LRGUK: variants seen among roughly 807,000 people sequenced by gnomAD.
LRGUK encodes leucine rich repeats and guanylate kinase domain containing.
A neutral mutation model predicts 76.0 loss-of-function variants in LRGUK; 65 were observed. The ratio of observed to expected loss-of-function variants is 0.85; its 90% CI spans 0.70 to 1.05. The LOEUF is 1.05. LRGUK is among the 50% of genes least tolerant of loss of function. The probability of loss-of-function intolerance (pLI) is 0.00; values close to 1 mark genes in which losing one functional copy is unlikely to be tolerated. For missense variants in LRGUK, 758 were observed against 732.8 expected (o/e 1.03, Z -0.40); for synonymous variants, 268 against 265.6 (o/e 1.01, Z -0.09).
At chr7:134,204,341 A>G (rs1420576503) in intron 15 of LRGUK, among the ~76,000 whole-genome samples, 1 of 152,206 alleles carries the variant, frequency 6.6e-6, no homozygotes, top group Non-Finnish European at 1.5e-5. Flanking sequence ...AATTTTATTT[A>G]TTTGGACTAA....
chr7:134,183,947 T>C, intron 11 of LRGUK, 94 bp downstream of exon 11: 17 of 1,471,358 alleles, frequency 1.2e-5, no homozygotes, highest in Non-Finnish European at 1.6e-5. Context: ...ATTGCTAATG[T>C]TGGCTATTAA....
At chr7:134,150,970 TA>T (rs907919924) in intron 5 of LRGUK, among the ~76,000 whole-genome samples, 4 of 152,142 alleles carry the variant, frequency 2.6e-5, no homozygotes, top group African/African-American at 9.6e-5. Flanking sequence ...ACCTGTGTTT[TA>T]AAAAATTCAA....
At chr7:134,162,714 G>A (rs1050513085) in intron 6 of LRGUK, among the ~76,000 whole-genome samples, 1 of 150,666 alleles carries the variant, frequency 6.6e-6, no homozygotes, top group South Asian at 2.1e-4. Context: ...GTAGTCCCAG[G>A]TACTTGGGAG....
chr7:134,150,829 T>G (rs1798192150), intron 5 of LRGUK, among the ~76,000 whole-genome samples: 1 of 151,890 alleles, frequency 6.6e-6, no homozygotes, highest in African/African-American at 2.4e-5. Context: ...AATTAGGGTT[T>G]TTTTTTTCTT....
At chr7:134,225,060 A>G (rs564418310) in intron 16 of LRGUK, among the ~76,000 whole-genome samples, 48 of 137,910 alleles carry the variant, frequency 3.5e-4, no homozygotes, top group Admixed American at 2.1e-3. Context: ...CTCAAAAAGA[A>G]AAAAAAAAAA....
At chr7:134,131,163 G>T (rs764974335) in intron 1 of LRGUK, among the ~76,000 whole-genome samples, 3 of 152,140 alleles carry the variant, frequency 2.0e-5, no homozygotes, top group Non-Finnish European at 4.4e-5. Context: ...CTTCTTTTCA[G>T]TCCCTTTATA....
At chr7:134,184,971 G>C (rs919541888) in intron 11 of LRGUK, among the ~76,000 whole-genome samples, 1 of 152,216 alleles carries the variant, frequency 6.6e-6, no homozygotes, top group African/African-American at 2.4e-5. Flanking sequence ...TCCTGTCTGA[G>C]CCTGGAACAT....
At chr7:134,224,180 C>T (rs1801675798) in intron 16 of LRGUK, among the ~76,000 whole-genome samples, 1 of 152,108 alleles carries the variant, frequency 6.6e-6, no homozygotes. Flanking sequence ...CCCCTTGGGA[C>T]ATGGAAATCC....
At chr7:134,231,484 C>G (rs1469963222) in intron 16 of LRGUK, among the ~76,000 whole-genome samples, 9 of 149,978 alleles carry the variant, frequency 6.0e-5, no homozygotes, top group Non-Finnish European at 1.2e-4. Context: ...TGTTTCCTCC[C>G]TCCATTCCTT....
chr7:134,264,181 T>G, exon 20 of LRGUK: 1 of 421,766 alleles, frequency 2.4e-6, no homozygotes, highest in Non-Finnish European at 4.0e-6. Flanking sequence ...AATTGTTTCT[T>G]AAATGATTTT....
At chr7:134,172,912 G>A (rs1200699170) in intron 7 of LRGUK, among the ~76,000 whole-genome samples, 1 of 152,034 alleles carries the variant, frequency 6.6e-6, no homozygotes, top group African/African-American at 2.4e-5. Context: ...CCTTGAGCTA[G>A]GGAGGTTGAG....
intron 5 of LRGUK, among the ~76,000 whole-genome samples, chr7:134,156,266 T>G (rs1798453524): frequency 6.7e-6 from 1 of 149,356 alleles, no homozygotes; most frequent in Non-Finnish European, 1.5e-5. Context: ...TCGTTGTCCG[T>G]TTTTTATTAG....
At chr7:134,191,596 CT>C in intron 11 of LRGUK, 58 bp from the exon 12 acceptor site, 3 of 1,111,636 alleles carry the variant, frequency 2.7e-6, no homozygotes, top group Admixed American at 2.0e-5. Context: ...ATATTGAAAC[CT>C]TTTCCATTTT....
chr7:134,200,706 G>T (rs1053363043), intron 14 of LRGUK, among the ~76,000 whole-genome samples: 1 of 152,202 alleles, frequency 6.6e-6, no homozygotes, highest in African/African-American at 2.4e-5. Context: ...AATAGTTTTT[G>T]GTCTCTGAAA....
chr7:134,142,222 C>G (rs1585425102), intron 3 of LRGUK, among the ~76,000 whole-genome samples: 1 of 152,138 alleles, frequency 6.6e-6, no homozygotes, highest in South Asian at 2.1e-4. Flanking sequence ...GAAATGCTAG[C>G]ATTGTTGCCA....
chr7:134,177,017 T>C (rs1281273645), exon 9 of LRGUK: 1 of 1,603,462 alleles, frequency 6.2e-7, no homozygotes, highest in Non-Finnish European at 8.5e-7. Flanking sequence ...TTTATGCTTC[T>C]GCGATTAACA....
the LRGUK span, among the ~76,000 whole-genome samples, chr7:134,273,378 A>G: frequency 6.6e-6 from 1 of 152,194 alleles, no homozygotes; most frequent in Non-Finnish European, 1.5e-5. Flanking sequence ...CCCTGAGGTT[A>G]TGCCTCTGAA....
chr7:134,208,389 TTGGAAAA>T (rs1801095581), intron 15 of LRGUK, among the ~76,000 whole-genome samples: 1 of 152,232 alleles, frequency 6.6e-6, no homozygotes, highest in African/African-American at 2.4e-5. Flanking sequence ...TCTCATTCAC[TTGGAAAA>T]TGTCTCACCA....
At chr7:134,219,606 G>T (rs1017086224) in intron 15 of LRGUK, among the ~76,000 whole-genome samples, 5 of 151,874 alleles carry the variant, frequency 3.3e-5, no homozygotes, top group Non-Finnish European at 5.9e-5. Context: ...TTCCTAATGC[G>T]CTGTACTTAG....
Sources: allele counts gnomAD v4.1 joint callset (sites outside exome capture counted in the v4.1 genomes callset), GRCh38; gene constraint gnomAD v4.1.1; transcripts MANE v1.5; gene names NCBI Gene and HGNC (gene_info 2026-07-23, HGNC 2026-07-21).